Variants in ITPR2 observed in about 807,000 individuals in gnomAD.
The protein encoded by ITPR2 is inositol 1,4,5-trisphosphate-gated calcium channel ITPR2.
Under a neutral mutation model 317.1 loss-of-function variants are expected in ITPR2, and 207 were observed. The ratio of observed to expected loss-of-function variants is 0.65; its 90% CI spans 0.58 to 0.73. The LOEUF (loss-of-function observed/expected upper bound fraction) is 0.73. Ranked by LOEUF, ITPR2 falls within the 30% of genes least tolerant of loss-of-function variation. ITPR2 has a pLI of 0.00. For synonymous variants in ITPR2, 1,156 were observed against 1,149.1 expected (o/e 1.01, Z -0.12); for missense variants, 2,613 against 3,284.0 (o/e 0.80, Z 4.99).
intron 2 of ITPR2, among the ~76,000 whole-genome samples, chr12:26,726,377 T>C (rs1312482266): frequency 2.6e-5 from 4 of 152,222 alleles, no homozygotes; most frequent in Non-Finnish European, 5.9e-5. Context: ...AGGAATATTA[T>C]AGTTGTGATA....
intron 55 of ITPR2, among the ~76,000 whole-genome samples, chr12:26,354,371 T>A (rs1033843528): frequency 1.1e-4 from 17 of 152,198 alleles, no homozygotes; most frequent in African/African-American, 3.9e-4. Flanking sequence ...GTAAATCTGC[T>A]AAAAGTCTAC....
chr12:26,494,837 T>C (rs1399524711), intron 38 of ITPR2, among the ~76,000 whole-genome samples: 3 of 147,090 alleles, frequency 2.0e-5, no homozygotes, highest in Non-Finnish European at 4.5e-5. Flanking sequence ...AATAGAACTC[T>C]TTATTAAATG....
At chr12:26,404,764 A>G (rs2136658763) in intron 52 of ITPR2, among the ~76,000 whole-genome samples, 1 of 152,326 alleles carries the variant, frequency 6.6e-6, no homozygotes, top group African/African-American at 2.4e-5. Flanking sequence ...ATGACAAGGA[A>G]AAGATTTCAG....
chr12:26,360,202 G>T (rs1485553763), intron 55 of ITPR2, among the ~76,000 whole-genome samples: 1 of 152,182 alleles, frequency 6.6e-6, no homozygotes, highest in Non-Finnish European at 1.5e-5. Flanking sequence ...CTGAGGCTTT[G>T]TTCCAGCGTA....
chr12:26,609,729 C>G (rs1188788516), intron 26 of ITPR2, among the ~76,000 whole-genome samples: 2 of 151,876 alleles, frequency 1.3e-5, no homozygotes, highest in Non-Finnish European at 2.9e-5. Flanking sequence ...GAGAAGGGAA[C>G]AAATTCTCAT....
intron 2 of ITPR2, among the ~76,000 whole-genome samples, chr12:26,762,050 T>C (rs1037445142): frequency 2.0e-5 from 3 of 150,116 alleles, no homozygotes; most frequent in South Asian, 2.1e-4. Context: ...CAAAGAAACA[T>C]GAGAAAAAAA....
intron 1 of ITPR2, among the ~76,000 whole-genome samples, chr12:26,807,071 C>G (rs1950650277): frequency 6.6e-6 from 1 of 152,058 alleles, no homozygotes; most frequent in Non-Finnish European, 1.5e-5. Flanking sequence ...CACCTGTAAT[C>G]TTAGCTACTC....
intron 21 of ITPR2, among the ~76,000 whole-genome samples, chr12:26,652,139 T>G (rs1292844191): frequency 1.3e-5 from 2 of 152,190 alleles, no homozygotes; most frequent in Non-Finnish European, 1.5e-5. Context: ...TTGCACACGA[T>G]CCCTTTTCTC....
intron 37 of ITPR2, among the ~76,000 whole-genome samples, chr12:26,546,699 A>G (rs1591883603): frequency 6.6e-6 from 1 of 152,210 alleles, no homozygotes; most frequent in South Asian, 2.1e-4. Flanking sequence ...ATTGGTATAA[A>G]AATAGACACA....
At chr12:26,612,194 C>T in intron 26 of ITPR2, among the ~76,000 whole-genome samples, 1 of 152,076 alleles carries the variant, frequency 6.6e-6, no homozygotes, top group African/African-American at 2.4e-5. Context: ...AAATTTACCA[C>T]TGAGGGAAAA....
chr12:26,661,283 G>T (rs1262537132), intron 15 of ITPR2, among the ~76,000 whole-genome samples: 1 of 110,642 alleles, frequency 9.0e-6, no homozygotes, highest in East Asian at 4.5e-4. Context: ...TGTGGGGGGG[G>T]GGGGGTGGGA....
At chr12:26,460,677 G>A (rs1315618134) in intron 45 of ITPR2, among the ~76,000 whole-genome samples, 2 of 152,082 alleles carry the variant, frequency 1.3e-5, no homozygotes, top group South Asian at 2.1e-4. Context: ...AGGATATACG[G>A]TAAAAAGCAA....
chr12:26,567,950 TTA>T lies in ITPR2; in HGVS notation c.4631-6000_4631-5999del, dbSNP rs371931358. On this transcript the variant is annotated intron_variant, in intron 34 of 56. Coordinates refer to ENST00000381340, the MANE Select transcript of ITPR2 (RefSeq NM_002223.4). Reference sequence around the variant, plus strand: ...AGAAAAATTCTGGTATATATATATATTATATATATATATATATATTATATATA... The same window carrying T: ...AGAAAAATTCTGGTATATATATATATTATATATATATATATATTATATATA... Among the ~76,000 whole-genome samples the T allele has an allele frequency of 9.4e-3, 1,058 of 112,074 alleles. 35 individuals carry two copies. The highest frequency in any genetic ancestry group is 0.026 in the African/African-American group (655 of 25,674). 73.5% of individuals were successfully genotyped at this position (112,074 alleles called of 152,430 possible). A position where few individuals can be genotyped will look rare whatever the true frequency, so the allele number is the denominator to read the frequency against.
chr12:26,806,056 G>C (rs549151224), intron 1 of ITPR2, among the ~76,000 whole-genome samples: 5 of 152,116 alleles, frequency 3.3e-5, no homozygotes, highest in African/African-American at 4.8e-5. Context: ...CAGCAATCCA[G>C]GTAAGAAAAG....
Position 26,427,984 on chromosome 12 carries a change from C to G in ITPR2, c.6874G>C (p.Val2292Leu), listed in dbSNP as rs201352634. The change falls in exon 49 of 57, where the codon GTA becomes CTA. Residue 2292 changes from valine to leucine, a missense_variant. This residue lies in a region of ITPR2 where 78 missense variants were observed against 110.3 expected (regional missense o/e 0.71). Transcript: ENST00000381340. Reference protein sequence around the residue: ...SKPVGIRPFLVSIMLRSIYTI... With the variant: ...SKPVGIRPFLLSIMLRSIYTI... ...TATATTGATCTGAGCATTATTGATA[C>G]AAGAAACGGCCGAATACCCACAGGC... 2 of 1,610,636 alleles carry G rather than the reference C, an allele frequency of 1.2e-6. No homozygotes were observed. Among genetic ancestry groups the G allele is most frequent in the Non-Finnish European group, 1.7e-6 (2 of 1,177,840 alleles).
chr12:26,474,655 G>A (rs373996251), intron 45 of ITPR2, among the ~76,000 whole-genome samples: 36 of 151,070 alleles, frequency 2.4e-4, no homozygotes, highest in African/African-American at 8.0e-4. Context: ...TTAGCCGGGC[G>A]TAGTGGCGGG....
intron 45 of ITPR2, among the ~76,000 whole-genome samples, chr12:26,451,300 C>G (rs1413120457): frequency 1.3e-5 from 2 of 151,420 alleles, no homozygotes; most frequent in African/African-American, 2.4e-5. Flanking sequence ...GATTCATGGA[C>G]AACCAGACCA....
chr12:26,589,490 A>T (rs1208365939), intron 32 of ITPR2, among the ~76,000 whole-genome samples: 3 of 151,962 alleles, frequency 2.0e-5, no homozygotes, highest in East Asian at 3.9e-4. Flanking sequence ...TTTGCATTTT[A>T]AAAAATATTG....
rs199938747 is a variant in ITPR2 at position 26,522,843 on chromosome 12, G to GGGGC, written c.5073+27403_5073+27404insGCCC. Reference sequence around the variant, plus strand: ...GAAAAAAAGCCATGCTTCCACGGCGGGGGGGGAACCCCACAACAACACCGG... The same window carrying GGGGC: ...GAAAAAAAGCCATGCTTCCACGGCGGGGGCGGGGGGAACCCCACAACAACACCGG... On this transcript the variant is annotated intron_variant, in intron 37 of 56. Transcript: ENST00000381340. 5.3e-3 allele frequency among the ~76,000 whole-genome samples: 811 copies of GGGGC among 151,780 alleles called. 9 individuals are homozygous for GGGGC. The highest frequency in any genetic ancestry group is 0.018 in the African/African-American group (761 of 41,508).
Sources: allele counts gnomAD v4.1 joint callset (sites outside exome capture counted in the v4.1 genomes callset), GRCh38; gene constraint gnomAD v4.1.1; regional missense constraint gnomAD v4.1.1; transcripts MANE v1.5; gene names NCBI Gene and HGNC (gene_info 2026-07-23, HGNC 2026-07-21).